NCOA2: variants seen among roughly 807,000 people sequenced by gnomAD.
NCOA2 encodes the protein nuclear receptor coactivator 2.
Under a neutral mutation model 145.1 loss-of-function variants are expected in NCOA2, and 21 were observed. That is an observed-to-expected ratio of 0.14 (90% CI 0.10 to 0.21). NCOA2 has a LOEUF of 0.21. Among genes scored for constraint, NCOA2 ranks in the 10% least tolerant of loss-of-function variants. The pLI is 1.00. For synonymous variants in NCOA2, 619 were observed against 637.5 expected (o/e 0.97, Z 0.44); for missense variants, 1,472 against 1,837.6 (o/e 0.80, Z 3.64).
intron 16 of NCOA2, among the ~76,000 whole-genome samples, chr8:70,131,337 T>C (rs1424942270): frequency 6.6e-6 from 1 of 152,132 alleles, no homozygotes; most frequent in Admixed American, 6.5e-5. Flanking sequence ...AAGGTAAAAA[T>C]GATGAAAGAG....
chr8:70,426,413 A>G, the NCOA2 span, among the ~76,000 whole-genome samples: 14,565 of 152,334 alleles, frequency 0.096, 950 homozygotes, highest in Middle Eastern at 0.21. Flanking sequence ...AATTATTCAT[A>G]TAGTTACATG....
intron 2 of NCOA2, among the ~76,000 whole-genome samples, chr8:70,283,777 G>A (rs1360853473): frequency 5.3e-5 from 8 of 151,972 alleles, no homozygotes. Context: ...TATTTGCATT[G>A]CACTCGCTAG....
intron 1 of NCOA2, among the ~76,000 whole-genome samples, chr8:70,371,026 G>A (rs529454438): frequency 6.6e-6 from 1 of 152,252 alleles, no homozygotes; most frequent in South Asian, 2.1e-4. Context: ...GGTGGCTCAC[G>A]CCTGTAATCC....
intron 1 of NCOA2, among the ~76,000 whole-genome samples, chr8:70,311,278 G>A (rs761337345): frequency 6.6e-6 from 1 of 152,002 alleles, no homozygotes; most frequent in African/African-American, 2.4e-5. Context: ...AATAGGGTGG[G>A]GGAAAGTGGT....
intron 7 of NCOA2, among the ~76,000 whole-genome samples, chr8:70,165,789 A>G (rs552739898): frequency 6.6e-6 from 1 of 152,132 alleles, no homozygotes; most frequent in Non-Finnish European, 1.5e-5. Context: ...CCTTGAAAGT[A>G]TATTTAAAAG....
intron 6 of NCOA2, among the ~76,000 whole-genome samples, chr8:70,167,576 T>G (rs1813760847): frequency 6.6e-6 from 1 of 152,254 alleles, no homozygotes; most frequent in Non-Finnish European, 1.5e-5. Flanking sequence ...TTTATAACTT[T>G]GTTTTTCCTA....
chr8:70,251,412 T>A (rs975992912), intron 2 of NCOA2, among the ~76,000 whole-genome samples: 4 of 152,240 alleles, frequency 2.6e-5, no homozygotes, highest in African/African-American at 9.6e-5. Context: ...AATAGCATAC[T>A]ACATTTCCAT....
the NCOA2 span, among the ~76,000 whole-genome samples, chr8:70,456,088 A>AC: frequency 6.6e-6 from 1 of 152,188 alleles, no homozygotes; most frequent in East Asian, 1.9e-4. Flanking sequence ...AAAAAAAAAA[A>AC]AAAATGCCCG....
chr8:70,132,296 T>C (rs1809221219), intron 15 of NCOA2, among the ~76,000 whole-genome samples: 1 of 152,190 alleles, frequency 6.6e-6, no homozygotes, highest in Non-Finnish European at 1.5e-5. Context: ...CATGGATCTG[T>C]GTGAGTCCAG....
chr8:70,323,294 T>A (rs1193507727), intron 1 of NCOA2, among the ~76,000 whole-genome samples: 4 of 152,246 alleles, frequency 2.6e-5, no homozygotes, highest in African/African-American at 9.6e-5. Flanking sequence ...AAATGTAGTA[T>A]GTTTTAGTAT....
intron 2 of NCOA2, among the ~76,000 whole-genome samples, chr8:70,282,346 C>T (rs750908621): frequency 4.3e-4 from 66 of 152,108 alleles, no homozygotes; most frequent in Non-Finnish European, 8.2e-4. Context: ...ACAGGATAAC[C>T]TTATTATGGG....
chr8:70,451,455 T>G, the NCOA2 span, among the ~76,000 whole-genome samples: 1 of 150,222 alleles, frequency 6.7e-6, no homozygotes, highest in Non-Finnish European at 1.5e-5. Context: ...CTAGAATTTC[T>G]CTAAGTATCC....
At chr8:70,194,658 T>C (rs1817073702) in intron 4 of NCOA2, among the ~76,000 whole-genome samples, 1 of 150,586 alleles carries the variant, frequency 6.6e-6, no homozygotes, top group Admixed American at 6.7e-5. Context: ...TTTCTGTTTT[T>C]CTGGGCTCTT....
intron 10 of NCOA2, among the ~76,000 whole-genome samples, 195 bp from the exon 11 acceptor site, chr8:70,157,435 T>A (rs912056415): frequency 2.6e-5 from 4 of 152,184 alleles, no homozygotes; most frequent in Admixed American, 1.3e-4. Flanking sequence ...AAGAGGGATG[T>A]TTTTCAGGCA....
At chr8:70,414,899 C>A in the NCOA2 span, among the ~76,000 whole-genome samples, 38 of 152,104 alleles carry the variant, frequency 2.5e-4, no homozygotes, top group Non-Finnish European at 4.1e-4. Context: ...TATTAGCAAC[C>A]TTTGACATGA....
intron 3 of NCOA2, 102 bp from the exon 4 acceptor site, chr8:70,214,177 C>A: frequency 9.1e-7 from 1 of 1,093,072 alleles, no homozygotes; most frequent in Non-Finnish European, 1.3e-6. Flanking sequence ...CAAACAAAAG[C>A]TACCTATATA....
At chr8:70,342,709 C>A (rs532879992) in intron 1 of NCOA2, among the ~76,000 whole-genome samples, 1 of 143,932 alleles carries the variant, frequency 6.9e-6, no homozygotes, top group Non-Finnish European at 1.5e-5. Context: ...TACTACATTA[C>A]CTTTTTTTTT....
chr8:70,404,789 C>G (rs537040288), upstream of NCOA2, among the ~76,000 whole-genome samples: 3 of 152,196 alleles, frequency 2.0e-5, no homozygotes, highest in African/African-American at 7.2e-5. Flanking sequence ...ACTGAAAATG[C>G]GAGAACCCCC....
intron 13 of NCOA2, among the ~76,000 whole-genome samples, chr8:70,142,751 A>T (rs1453521041): frequency 1.3e-5 from 2 of 152,194 alleles, no homozygotes; most frequent in South Asian, 2.1e-4. Flanking sequence ...CACATATTTT[A>T]AAAACCATTT....
Sources: allele counts gnomAD v4.1 joint callset (sites outside exome capture counted in the v4.1 genomes callset), GRCh38; gene constraint gnomAD v4.1.1; transcripts MANE v1.5; gene names NCBI Gene and HGNC (gene_info 2026-07-23, HGNC 2026-07-21).